Variants in TRAM2 observed in about 807,000 individuals in gnomAD.
TRAM2 encodes the protein translocating chain-associated membrane protein 2.
A neutral mutation model predicts 51.0 loss-of-function variants in TRAM2; 12 were observed. The ratio of observed to expected loss-of-function variants is 0.24; its 90% CI spans 0.15 to 0.38. The LOEUF (loss-of-function observed/expected upper bound fraction) is 0.38. Ranked by LOEUF, TRAM2 falls within the 10% of genes least tolerant of loss-of-function variation. The pLI is 1.00. For missense variants in TRAM2, 361 were observed against 462.0 expected (o/e 0.78, Z 2.00); for synonymous variants, 175 against 179.4 (o/e 0.98, Z 0.20).
rs199535862 is a variant in TRAM2, at chr6:52,504,629, G to A, written c.1001C>T (p.Thr334Ile). The change falls in exon 10 of 11, where the codon ACA becomes ATA. Residue 334 changes from threonine (T) to isoleucine (I), a missense_variant. Transcript: ENST00000182527. ...GATGAGCCTGGCTGGTAGTCTGGGT[G>A]TGGCTGGGACTCTCCGCTTTGCACT... is the stretch of plus-strand genomic sequence containing the variant. ...EQSAKRRVPA[T>I]PRLPARLIKR... 2.9e-4 allele frequency: 468 copies of A among 1,614,152 alleles called. No individual in the cohort carries two copies. The highest frequency in any genetic ancestry group is 4.2e-4 in the Admixed American group (25 of 60,036).
chr6:52,549,234 C>T (rs565626869), intron 1 of TRAM2, among the ~76,000 whole-genome samples: 13 of 150,888 alleles, frequency 8.6e-5, no homozygotes, highest in African/African-American at 2.7e-4. Flanking sequence ...CTTTCCTTCC[C>T]TTCCTTCCCT....
chr6:52,550,672 C>T (rs1767292234), intron 1 of TRAM2, among the ~76,000 whole-genome samples: 1 of 152,150 alleles, frequency 6.6e-6, no homozygotes, highest in Admixed American at 6.5e-5. Context: ...CTGCCTCAGC[C>T]TCCCGAATAG....
Position 52,506,143 on chromosome 6 carries a change from G to A in TRAM2, c.627-7C>T, listed in dbSNP as rs758174176. ...CAGGCCCAGGCGGCTCAGGCTGGGG[G>A]TGGGGAAGACTAGACTTACATTCCC... is the stretch of plus-strand genomic sequence containing the variant. On this transcript the variant is annotated splice_region_variant and splice_polypyrimidine_tract_variant and intron_variant, in intron 7 of 10. Coordinates refer to ENST00000182527, the MANE Select transcript of TRAM2 (RefSeq NM_012288.4). The A allele has an allele frequency of 1.7e-5, 27 of 1,612,306 alleles. No homozygotes were observed. In the Admixed American group the frequency reaches 2.0e-4, roughly 12 times the overall value.
At chr6:52,552,153 G>A (rs912075311) in intron 1 of TRAM2, among the ~76,000 whole-genome samples, 1 of 152,242 alleles carries the variant, frequency 6.6e-6, no homozygotes, top group African/African-American at 2.4e-5. Context: ...GGCACAGATA[G>A]CCAGCAGTCT....
chr6:52,505,781 G>A lies in TRAM2; in HGVS notation c.732-39C>T, dbSNP rs1296773405. 4.5e-6 allele frequency: 7 copies of A among 1,560,872 alleles called. No homozygotes were observed. In the East Asian group the frequency reaches 6.8e-5, roughly 15 times the overall value. On this transcript the variant is annotated intron_variant, in intron 8 of 10. Transcript: ENST00000182527. ...CAGAAGAGGGATGTCAGTCTTTAGC[G>A]CCCTTGAAGGAATCTTCACCCACTT...
intron 1 of TRAM2, among the ~76,000 whole-genome samples, chr6:52,550,323 C>T (rs1361902078): frequency 6.6e-6 from 1 of 152,162 alleles, no homozygotes; most frequent in Non-Finnish European, 1.5e-5. Context: ...GATAGCTCCC[C>T]ACGTTCGCAA....
chr6:52,531,120 CAAAAA>C (rs35821052), intron 2 of TRAM2, among the ~76,000 whole-genome samples: 3 of 96,298 alleles, frequency 3.1e-5, no homozygotes, highest in Non-Finnish European at 5.8e-5. Context: ...CCTGGTTATG[CAAAAA>C]AAAAAAAAAA....
At chr6:52,559,416 A>T (rs1767460365) in intron 1 of TRAM2, among the ~76,000 whole-genome samples, 1 of 152,222 alleles carries the variant, frequency 6.6e-6, no homozygotes. Context: ...AGTCAGACAC[A>T]CGGACCTTGA....
intron 1 of TRAM2, 83 bp downstream of exon 1, chr6:52,576,713 G>A (rs1767773009): frequency 1.3e-6 from 2 of 1,525,516 alleles, no homozygotes; most frequent in Non-Finnish European, 1.8e-6. Flanking sequence ...ATCAGAGGAG[G>A]GCCCGCTGAC....
At chr6:52,540,890 C>G (rs1195096932) in intron 1 of TRAM2, among the ~76,000 whole-genome samples, 1 of 152,160 alleles carries the variant, frequency 6.6e-6, no homozygotes, top group Non-Finnish European at 1.5e-5. Flanking sequence ...TAGGAAGGGT[C>G]ACATCACACA....
chr6:52,503,383 T>C (rs1766277915), intron 10 of TRAM2, 113 bp from the exon 11 acceptor site: 2 of 925,200 alleles, frequency 2.2e-6, no homozygotes, highest in Non-Finnish European at 3.5e-6. Context: ...CTGCTATACA[T>C]GGATGCACCA....
At chr6:52,555,860 A>G (rs1767395755) in intron 1 of TRAM2, among the ~76,000 whole-genome samples, 1 of 152,240 alleles carries the variant, frequency 6.6e-6, no homozygotes, top group Non-Finnish European at 1.5e-5. Context: ...GTAAAAATTA[A>G]GTCAATTTTT....
chr6:52,522,761 A>G, intron 2 of TRAM2: 2 of 597,500 alleles, frequency 3.3e-6, no homozygotes, highest in South Asian at 2.1e-5. Context: ...GACCTGAAAT[A>G]ATCAGAATCT....
Position 52,502,108 on chromosome 6 carries a change from G to A in TRAM2, c.*1089C>T, listed in dbSNP as rs372438236. On this transcript the variant is annotated 3_prime_UTR_variant, in exon 11 of 11. Coordinates refer to ENST00000182527, the MANE Select transcript of TRAM2 (RefSeq NM_012288.4). ...GGCGGCCAGATGAACAGCGGTCCAA[G>A]TGACCCTCCCTGAACACCAAGGGAC... is the stretch of plus-strand genomic sequence containing the variant. The A allele has an allele frequency of 6.6e-6, 1 of 152,326 alleles. No homozygotes were observed. Among genetic ancestry groups the A allele is most frequent in the Non-Finnish European group, 1.5e-5 (1 of 68,108 alleles). The allele number at this position is 152,326 out of a possible 1,614,324, so 9.4% of individuals were successfully genotyped here.
In TRAM2 at chr6:52,506,041, T is replaced by C. The variant is rs1380831193; in HGVS notation, c.722A>G (p.Asn241Ser). Reference sequence around the variant, plus strand: ...CAGCAGACCCACTTACAGTTTCTCGTTGTTTTCATCTGCAAAGTAGAAGAG... The same window carrying C: ...CAGCAGACCCACTTACAGTTTCTCGCTGTTTTCATCTGCAAAGTAGAAGAG... ...ARLFYFADEN[N>S]EKLFSAWAAV... Residue 241 changes from asparagine (N) to serine (S), a missense_variant, in exon 8 of 11, where the codon AAC (asparagine) becomes AGC (serine). Coordinates refer to ENST00000182527, the MANE Select transcript of TRAM2 (RefSeq NM_012288.4). The C allele has an allele frequency of 1.2e-6, 2 of 1,613,202 alleles. No homozygotes were observed. The highest frequency in any genetic ancestry group is 1.6e-4 in the Middle Eastern group (1 of 6,062).
At chr6:52,550,286 G>A (rs1325473971) in intron 1 of TRAM2, among the ~76,000 whole-genome samples, 1 of 151,972 alleles carries the variant, frequency 6.6e-6, no homozygotes, top group East Asian at 1.9e-4. Flanking sequence ...CTAGATCCAT[G>A]CTATCCTCAG....
At chr6:52,534,561 G>GTCT (rs1766947415) in intron 2 of TRAM2, among the ~76,000 whole-genome samples, 1 of 152,184 alleles carries the variant, frequency 6.6e-6, no homozygotes, top group Admixed American at 6.5e-5. Flanking sequence ...TGTGCCCGAG[G>GTCT]GCTGGACTCA....
chr6:52,506,233 G>C (rs1766347857), intron 7 of TRAM2, 97 bp from the exon 8 acceptor site: 1 of 1,138,788 alleles, frequency 8.8e-7, no homozygotes, highest in South Asian at 1.3e-5. Flanking sequence ...GTGCCTGGCT[G>C]GGCTCTGCTT....
chr6:52,506,284 G>T, intron 7 of TRAM2, 148 bp from the exon 8 acceptor site: 1 of 703,920 alleles, frequency 1.4e-6, no homozygotes, highest in Non-Finnish European at 2.4e-6. Flanking sequence ...TCCATCCTTT[G>T]GATTCAGTTT....
Sources: allele counts gnomAD v4.1 joint callset (sites outside exome capture counted in the v4.1 genomes callset), GRCh38; gene constraint gnomAD v4.1.1; transcripts MANE v1.5; gene names NCBI Gene and HGNC (gene_info 2026-07-23, HGNC 2026-07-21).